Variants in LRP1 observed in about 807,000 individuals in gnomAD.
LRP1 encodes the protein LDL receptor related protein 1.
Under a neutral mutation model 541.5 loss-of-function variants are expected in LRP1, and 51 were observed. That is an observed-to-expected ratio of 0.09 (90% confidence interval 0.08 to 0.12). The LOEUF is 0.12. Ranked by LOEUF, LRP1 falls within the 10% of genes least tolerant of loss-of-function variation. LRP1 has a pLI of 1.00. For missense variants in LRP1, 3,878 were observed against 6,376.2 expected, an observed-to-expected ratio of 0.61 and a Z score of 13.34; for synonymous variants, 2,219 against 2,470.8, an observed-to-expected ratio of 0.90 and a Z score of 3.02.
At chr12:57,141,270 G>A in intron 2 of LRP1, 104 bp from the exon 3 acceptor site, 1 of 1,383,182 alleles carries the variant, frequency 7.2e-7, no homozygotes, top group Non-Finnish European at 9.9e-7. Context: ...GAGGCCTCCT[G>A]AGATCTGAAA....
At chr12:57,207,292 G>A (rs2036803560) in intron 76 of LRP1, among the ~76,000 whole-genome samples, 1 of 71,676 alleles carries the variant, frequency 1.4e-5, no homozygotes, top group Admixed American at 2.1e-4. Context: ...ATAGAGACTC[G>A]GTCTCTAAAT....
Position 57,154,324 on chromosome 12 carries a change from C to G in LRP1, c.958C>G (p.Leu320Val). ...NGDTCVTLLD[L>V]ELYNPKGIAL... ...GGACACATGTGTCACATTGCTAGAC[C>G]TGGAACTCTACAACCCCAAGGGCAT... is the stretch of plus-strand genomic sequence containing the variant. Residue 320 changes from leucine (L) to valine (V), a missense_variant, in exon 7 of 89, where the codon CTG becomes GTG. Leu to Val is a conservative substitution (Grantham distance 32). Transcript: ENST00000243077. This position sits in a 1 kb window ranked among gnomAD's most constrained non-coding sequence, Gnocchi z 4.6. 1.2e-6 allele frequency: 2 copies of G among 1,614,118 alleles called. No homozygotes were observed. Among genetic ancestry groups the G allele is most frequent in the Non-Finnish European group, 8.5e-7 (1 of 1,179,960 alleles).
intron 42 of LRP1, among the ~76,000 whole-genome samples, chr12:57,188,472 C>A (rs1011429179): frequency 6.6e-6 from 1 of 152,178 alleles, no homozygotes; most frequent in African/African-American, 2.4e-5. Context: ...TCTGTTTCCT[C>A]CTGCCTCTGT....
At position 57,129,440 on chromosome 12, in the gene LRP1, T is replaced by TG. The variant is rs368314678; in HGVS notation, c.67+417dup. Among the ~76,000 whole-genome samples, 1,029 of 148,268 alleles carry TG rather than the reference T, an allele frequency of 6.9e-3. 10 individuals carry two copies. Among genetic ancestry groups the TG allele is most frequent in the African/African-American group, 0.015 (608 of 39,974 alleles). On this transcript the variant is annotated intron_variant, in intron 1 of 88. Transcript: ENST00000243077. ...GTTCGGCTGCAAAAGGGGGTGGGGG[T>TG]GGGGGGGGTGGCTTTTGCACTGGCC...
At position 57,173,989 on chromosome 12, in the gene LRP1, T is replaced by C. The variant is rs1319990005; in HGVS notation, c.3547+9T>C. 1 of 1,613,588 alleles carries C rather than the reference T, an allele frequency of 6.2e-7. No homozygotes were observed. The highest frequency in any genetic ancestry group is 8.5e-7 in the Non-Finnish European group (1 of 1,179,860). On this transcript the variant is annotated intron_variant, in intron 22 of 88. Transcript: ENST00000243077. This position sits in a 1 kb window ranked among gnomAD's most constrained non-coding sequence, Gnocchi z 4.7. Reference sequence around the variant, plus strand: ...TGAGGGCGAGCTCTGCGGTGAGGCCTGGTCCCAGGAGAAGGGTAGGGAGGG... The same window carrying C: ...TGAGGGCGAGCTCTGCGGTGAGGCCCGGTCCCAGGAGAAGGGTAGGGAGGG...
At chr12:57,174,087 C>G in intron 22 of LRP1, 107 bp downstream of exon 22, 1 of 1,188,010 alleles carries the variant, frequency 8.4e-7, no homozygotes, top group Admixed American at 2.0e-5. Context: ...CTCTGGCAGC[C>G]GGGCAGGCGA....
intron 2 of LRP1, among the ~76,000 whole-genome samples, 183 bp from the exon 3 acceptor site, chr12:57,141,191 C>T (rs1018784173): frequency 6.6e-6 from 1 of 152,138 alleles, no homozygotes; most frequent in Non-Finnish European, 1.5e-5. Context: ...CACCTGTTTG[C>T]CTACAGGTGT....
At position 57,195,922 on chromosome 12, in the gene LRP1, C is replaced by T. The variant is rs148336699; in HGVS notation, c.8620C>T (p.Arg2874Cys). The T allele has an allele frequency of 5.0e-6, 8 of 1,613,606 alleles. No homozygotes were observed. Among genetic ancestry groups the T allele is most frequent in the Non-Finnish European group, 6.8e-6 (8 of 1,180,026 alleles). Residue 2874 changes from arginine (R) to cysteine (C), a missense_variant, in exon 54 of 89, where the codon CGC becomes TGC. Arg to Cys is a radical substitution (Grantham distance 180). This residue lies in a region of LRP1 where 1,100 missense variants were observed against 1,827.4 expected (regional missense o/e 0.60). Coordinates refer to ENST00000243077, the MANE Select transcript of LRP1 (RefSeq NM_002332.3). ...RCANGRCLSSRQWECDGENDC... is the reference protein window; with the variant it reads ...RCANGRCLSSCQWECDGENDC... ...TGCCAATGGGCGCTGTCTGAGCTCC[C>T]GCCAGTGGGAGTGTGATGGCGAGAA...
intron 6 of LRP1, chr12:57,149,819 G>A: frequency 1.4e-6 from 1 of 695,726 alleles, no homozygotes; most frequent in Non-Finnish European, 2.6e-6. Flanking sequence ...CAGAGCTTCT[G>A]CCAGGCTCGC....
Position 57,211,450 on chromosome 12 carries a change from G to GCCAGCC in LRP1, c.13092-24_13092-19dup, listed in dbSNP as rs529079671. On this transcript the variant is annotated intron_variant, in intron 84 of 88. Coordinates refer to ENST00000243077, the MANE Select transcript of LRP1 (RefSeq NM_002332.3). This position sits in a 1 kb window ranked among gnomAD's most constrained non-coding sequence, Gnocchi z 4.3. ...TCCTCAGCATCCCAGGCACGCCTCT[G>GCCAGCC]CCAGCCCCAGCCCCAGCCTCTGATT... 54 of 1,610,608 alleles carry GCCAGCC rather than the reference G, an allele frequency of 3.4e-5. No individual in the cohort carries two copies. The Admixed American group carries it at 6.7e-4, about 20-fold the overall frequency.
Position 57,204,767 on chromosome 12 carries a change from G to A in LRP1, c.11194+18G>A, listed in dbSNP as rs372964100. 95 of 1,613,440 alleles carry A rather than the reference G, an allele frequency of 5.9e-5. No homozygotes were observed. Among genetic ancestry groups the A allele is most frequent in the African/African-American group, 2.8e-4 (21 of 75,060 alleles). On this transcript the variant is annotated intron_variant, in intron 72 of 88. Transcript: ENST00000243077. This position sits in a 1 kb window ranked among gnomAD's most constrained non-coding sequence, Gnocchi z 5.3. ...GGACTGTGGTGAGCAGGGGGCCGAC[G>A]AGAGGCCTGCAGGGGACGGGTAGTG... is the stretch of plus-strand genomic sequence containing the variant.
Position 57,156,144 on chromosome 12 carries a change from C to T in LRP1, c.1278C>T (p.Thr426=), listed in dbSNP as rs1242082372. ...LTVFENYLYA[T]NSDNANAQQK... ...TGTTTGAGAATTATCTCTATGCCAC[C>T]AACTCGGACAATGCCAATGCCCAGC... The change falls in exon 9 of 89, where the codon ACC becomes ACT. Residue 426 remains threonine, a synonymous_variant. Coordinates refer to ENST00000243077, the MANE Select transcript of LRP1 (RefSeq NM_002332.3). The surrounding 1 kb of genome is among the most constrained non-coding windows in gnomAD (Gnocchi z 5.2). 1.2e-6 allele frequency: 2 copies of T among 1,614,052 alleles called. No individual in the cohort carries two copies. The highest frequency in any genetic ancestry group is 3.3e-5 in the Admixed American group (2 of 60,004).
At chr12:57,180,567 C>T (rs1431284710) in intron 32 of LRP1, 88 bp downstream of exon 32, 10 of 1,607,010 alleles carry the variant, frequency 6.2e-6, no homozygotes, top group Middle Eastern at 1.7e-4. Flanking sequence ...GGCAGTCTCT[C>T]ACCATGTGGG....
In LRP1 at chr12:57,197,488, A is replaced by T; in HGVS notation, c.9163-57A>T. On this transcript the variant is annotated intron_variant, in intron 57 of 88. Coordinates refer to ENST00000243077, the MANE Select transcript of LRP1 (RefSeq NM_002332.3). The surrounding 1 kb of genome is among the most constrained non-coding windows in gnomAD (Gnocchi z 4.5). ...GTCCAACCATCCCTCCCCCAGATGC[A>T]AATGTGGCCCCTGTTGCCACAACCG... The T allele has an allele frequency of 6.2e-7, 1 of 1,613,314 alleles. No individual in the cohort carries two copies. The highest frequency in any genetic ancestry group is 8.5e-7 in the Non-Finnish European group (1 of 1,179,544).
In LRP1 at chr12:57,204,204, A is replaced by G. The variant is rs1275650681; in HGVS notation, c.10952-206A>G. 3 of 528,266 alleles carry G rather than the reference A, an allele frequency of 5.7e-6. No individual in the cohort carries two copies. The highest frequency in any genetic ancestry group is 5.7e-5 in the African/African-American group (3 of 52,888). The allele number at this position is 528,266 out of a possible 1,614,324, so 32.7% of individuals were successfully genotyped here. A position where few individuals can be genotyped will look rare whatever the true frequency, so the allele number is the denominator to read the frequency against. ...AGGAGTGCCCTCTGAACTCCTCCAG[A>G]CACCCCTGAAAAATGGCCTCTTCTC... On this transcript the variant is annotated intron_variant, in intron 70 of 88. Transcript: ENST00000243077. The surrounding 1 kb of genome is among the most constrained non-coding windows in gnomAD (Gnocchi z 5.3).
At position 57,180,783 on chromosome 12, in the gene LRP1, G is replaced by C; in HGVS notation, c.5503G>C (p.Val1835Leu). The C allele has an allele frequency of 6.2e-7, 1 of 1,614,060 alleles. No individual in the cohort carries two copies. Among genetic ancestry groups the C allele is most frequent in the Non-Finnish European group, 8.5e-7 (1 of 1,179,976 alleles). Residue 1835 changes from valine (V) to leucine (L), a missense_variant, in exon 33 of 89, where the codon GTC (valine) becomes CTC (leucine). Physicochemically the swap from Val to Leu is conservative, Grantham distance 32 (BLOSUM62 1). This residue lies in a region of LRP1 where 394 missense variants were observed against 635.9 expected (regional missense o/e 0.62). Coordinates refer to ENST00000243077, the MANE Select transcript of LRP1 (RefSeq NM_002332.3). ...NSTTLVMHMKVYDESIQLDHK... is the reference protein window; with the variant it reads ...NSTTLVMHMKLYDESIQLDHK... ...CACCACCCTGGTGATGCACATGAAG[G>C]TCTATGACGAGAGCATCCAGCTGGG... is the stretch of plus-strand genomic sequence containing the variant.
In LRP1 at chr12:57,210,863, C is replaced by G; in HGVS notation, c.12900C>G (p.Gly4300=). 1 of 1,612,178 alleles carries G rather than the reference C, an allele frequency of 6.2e-7. No individual in the cohort carries two copies. The highest frequency in any genetic ancestry group is 8.5e-7 in the Non-Finnish European group (1 of 1,179,290). The change falls in exon 83 of 89, where the codon GGC becomes GGG. Residue 4300 remains glycine, a synonymous_variant. Transcript: ENST00000243077. The part of the protein sequence containing the change: ...PQCRCLPGFL[G]DRCQYRQCSG... ...GCCGATGCCTACCCGGCTTCCTGGG[C>G]GACCGCTGCCAGTACCGTGAGTGAG... is the stretch of plus-strand genomic sequence containing the variant.
At position 57,198,269 on chromosome 12, in the gene LRP1, T is replaced by C. The variant is rs951901435; in HGVS notation, c.9396T>C (p.Asn3132=). ...GRDTIEVSKL[N]GAYRTVLVSS... is the part of the protein sequence containing the mutation. ...ACACCATCGAGGTGTCCAAGCTCAA[T>C]GGGGCCTATCGGACGGTGCTGGTCA... Residue 3132 remains asparagine (N), a synonymous_variant, in exon 59 of 89, where the codon AAT becomes AAC. Coordinates refer to ENST00000243077, the MANE Select transcript of LRP1 (RefSeq NM_002332.3). The C allele has an allele frequency of 1.9e-6, 3 of 1,613,744 alleles. No individual in the cohort carries two copies. The African/African-American group carries it at 4.0e-5, about 22-fold the overall frequency.
chr12:57,165,920 C>G lies in LRP1; in HGVS notation c.2646C>G (p.Asn882Lys). ...ACGGAGACAACGATTGCCTGGACAA[C>G]AGTGATGAGGCCCCAGCCCTCTGCC... is the stretch of plus-strand genomic sequence containing the variant. Reference protein sequence around the residue: ...KCDGDNDCLDNSDEAPALCHQ... With the variant: ...KCDGDNDCLDKSDEAPALCHQ... Residue 882 changes from asparagine to lysine, a missense_variant, in exon 16 of 89, where the codon AAC (asparagine) becomes AAG (lysine). Transcript: ENST00000243077. This position sits in a 1 kb window ranked among gnomAD's most constrained non-coding sequence, Gnocchi z 4.5. The G allele has an allele frequency of 6.2e-7, 1 of 1,614,190 alleles. No homozygotes were observed.
Sources: gnomAD v4.1 joint callset for allele counts (sites outside exome capture counted in the v4.1 genomes callset) on GRCh38, gnomAD v4.1.1 for gene constraint, gnomAD v4.1.1 regional missense constraint, Gnocchi (gnomAD v3.1) non-coding constraint, MANE v1.5 for transcripts, NCBI Gene and HGNC (gene_info 2026-07-23, HGNC 2026-07-21) for gene names.